The following ADCK5 variants were observed in gnomAD, a reference collection of about 807,000 sequenced individuals.
The protein encoded by ADCK5 is aarF domain containing kinase 5, also known as uncharacterized aarF domain-containing protein kinase 5.
ADCK5 carries 43 observed loss-of-function variants against 64.9 expected under a neutral mutation model. The ratio of observed to expected loss-of-function variants is 0.66; its 90% CI spans 0.52 to 0.85. ADCK5 has a LOEUF of 0.85. Ranked by LOEUF, ADCK5 falls within the 40% of genes least tolerant of loss-of-function variation. The probability of loss-of-function intolerance (pLI) is 0.00; values close to 1 mark genes in which losing one functional copy is unlikely to be tolerated. For synonymous variants in ADCK5, 434 were observed against 342.8 expected, an observed-to-expected ratio of 1.27 and a Z score of -2.94; for missense variants, 760 against 810.5, an observed-to-expected ratio of 0.94 and a Z score of 0.76.
Position 144,390,767 on chromosome 8 carries a change from C to T in ADCK5, c.342+21C>T, listed in dbSNP as rs200877552. 26 of 1,612,086 alleles carry T rather than the reference C, an allele frequency of 1.6e-5. No individual in the cohort carries two copies. In the East Asian group the frequency reaches 5.8e-4, roughly 36 times the overall value. On this transcript the variant is annotated intron_variant, in intron 4 of 14. Transcript: ENST00000308860. ...AAGAGGTTTGTCCTGGTGCCCTGGG[C>T]ACACAGTGGTGGGCATGAGGTGGTG... is the stretch of plus-strand genomic sequence containing the variant.
chr8:144,378,882 AAAAC>A (rs1384647509), intron 1 of ADCK5, among the ~76,000 whole-genome samples: 1 of 152,036 alleles, frequency 6.6e-6, no homozygotes, highest in Admixed American at 6.5e-5. Context: ...CCATCTCAGA[AAAAC>A]AAACAAACCT....
At chr8:144,388,818 A>T (rs190236125) in intron 3 of ADCK5, among the ~76,000 whole-genome samples, 3 of 151,824 alleles carry the variant, frequency 2.0e-5, no homozygotes, top group Admixed American at 2.0e-4. Flanking sequence ...CGCACTCCAG[A>T]TGCTCTACGG....
intron 3 of ADCK5, among the ~76,000 whole-genome samples, chr8:144,385,821 G>A (rs1329560296): frequency 2.0e-5 from 3 of 149,816 alleles, no homozygotes; most frequent in African/African-American, 4.9e-5. Flanking sequence ...AAAATTAGCC[G>A]GGCTTGGTGG....
chr8:144,391,811 G>T lies in ADCK5; in HGVS notation c.959G>T (p.Gly320Val). The T allele has an allele frequency of 6.4e-7, 1 of 1,571,324 alleles. No individual in the cohort carries two copies. Residue 320 changes from glycine (G) to valine (V), a missense_variant, in exon 9 of 15, where the codon GGC (glycine) becomes GTC (valine). By Grantham distance (109) the Gly-to-Val change is moderately radical. Transcript: ENST00000308860. ...GTGCTCACTGCCGACTTCTGCGCCG[G>T]CTGCAAGGTCAACGATGTGGAGGCC... Reference protein sequence around the residue: ...KRVLTADFCAGCKVNDVEAIR... With the variant: ...KRVLTADFCAVCKVNDVEAIR...
rs1554861234 is a variant in ADCK5, at chr8:144,392,428, C to CCTCT, written c.1268-14_1268-13insTCTC. The CCTCT allele has an allele frequency of 2.9e-6, 3 of 1,051,760 alleles. No individual in the cohort carries two copies. In the South Asian group the frequency reaches 4.3e-5, roughly 15 times the overall value. The allele number at this position is 1,051,760 out of a possible 1,614,324, so 65.2% of individuals were successfully genotyped here. A position where few individuals can be genotyped will look rare whatever the true frequency, so the allele number is the denominator to read the frequency against. The stretch of plus-strand genomic sequence containing the variant: ...CCACTCAGAGCCCCCTCCCTCCCTC[C>CCTCT]CTCCCTCCCTCCCCAGACTACCTCC... On this transcript the variant is annotated splice_polypyrimidine_tract_variant and intron_variant, in intron 12 of 14. Coordinates refer to ENST00000308860, the MANE Select transcript of ADCK5 (RefSeq NM_174922.5).
chr8:144,388,917 G>T (rs1461859802), intron 3 of ADCK5, among the ~76,000 whole-genome samples: 2 of 152,354 alleles, frequency 1.3e-5, no homozygotes, highest in East Asian at 1.9e-4. Context: ...TGCGCTTCAG[G>T]AATGACTGTG....
chr8:144,392,316 G>A lies in ADCK5; in HGVS notation c.1238G>A (p.Arg413Lys). 7 of 1,302,782 alleles carry A rather than the reference G, an allele frequency of 5.4e-6. No homozygotes were observed. Among genetic ancestry groups the A allele is most frequent in the Non-Finnish European group, 7.2e-6 (7 of 973,576 alleles). The allele number at this position is 1,302,782 out of a possible 1,614,324, so 80.7% of individuals were successfully genotyped here. A position where few individuals can be genotyped will look rare whatever the true frequency, so the allele number is the denominator to read the frequency against. ...ATCCTGCGGGACGACGCCGCCATGA[G>A]GGCGCACGCAGCCGCACTGGGGGTG... ...AIILRDDAAM[R>K]AHAAALGVQD... Residue 413 changes from arginine (R) to lysine (K), a missense_variant, in exon 12 of 15, where the codon AGG becomes AAG. This residue lies in a region of ADCK5 where 333 missense variants were observed against 292.0 expected (regional missense o/e 1.14). Coordinates refer to ENST00000308860, the MANE Select transcript of ADCK5 (RefSeq NM_174922.5).
rs1554861607 is a variant in ADCK5 at position 144,392,863 on chromosome 8, G to A, written c.1608G>A (p.Trp536Ter). 1 of 1,600,688 alleles carries A rather than the reference G, an allele frequency of 6.2e-7. No individual in the cohort carries two copies. The highest frequency in any genetic ancestry group is 8.5e-7 in the Non-Finnish European group (1 of 1,176,748). ...TCCTGCGCCACGCCAAGGTCGTCTG[G>A]GAGATGCTCAAGTTTGAAGTGGCGC... ...TSLLRHAKVV[W>*]EMLKFEVALR... Residue 536 changes from tryptophan to a stop codon, truncating the protein, a stop_gained, in exon 14 of 15, where the codon TGG becomes TGA. Coordinates refer to ENST00000308860, the MANE Select transcript of ADCK5 (RefSeq NM_174922.5). LOFTEE classifies it low-confidence loss of function (END_TRUNC).
rs782274795 is a variant in ADCK5 at position 144,383,168 on chromosome 8, G to C, written c.204G>C (p.Met68Ile). Residue 68 changes from methionine to isoleucine, a missense_variant, in exon 3 of 15, where the codon ATG (methionine) becomes ATC (isoleucine). Transcript: ENST00000308860. ...APLLLGARYVMAEAREKRRMR... is the reference protein window; with the variant it reads ...APLLLGARYVIAEAREKRRMR... ...TGCTCCTCGGAGCCCGCTATGTCAT[G>C]GCAGAGGCACGGGAGAAGAGGAGGA... 6.2e-7 allele frequency: 1 copy of C among 1,600,740 alleles called. No individual in the cohort carries two copies. The highest frequency in any genetic ancestry group is 2.3e-5 in the East Asian group (1 of 44,422).
intron 3 of ADCK5, among the ~76,000 whole-genome samples, chr8:144,385,795 C>T (rs1554859173): frequency 6.6e-6 from 1 of 151,316 alleles, no homozygotes; most frequent in African/African-American, 2.4e-5. Flanking sequence ...AACCCCGTCT[C>T]TACTAAAAAA....
intron 1 of ADCK5, among the ~76,000 whole-genome samples, chr8:144,374,681 C>A (rs535090151): frequency 2.7e-4 from 41 of 152,226 alleles, no homozygotes; most frequent in African/African-American, 7.9e-4. Context: ...CTGCCCCGGA[C>A]CTCCTTCGCT....
At chr8:144,375,607 G>A (rs1269422781) in intron 1 of ADCK5, 81 of 985,312 alleles carry the variant, frequency 8.2e-5, no homozygotes, top group Non-Finnish European at 9.3e-5. Context: ...GCCAAAGCAC[G>A]CCCTTTGGTT....
chr8:144,374,572 G>A (rs1819287344), intron 1 of ADCK5, among the ~76,000 whole-genome samples: 3 of 152,098 alleles, frequency 2.0e-5, no homozygotes, highest in Admixed American at 2.0e-4. Flanking sequence ...CCCGGAGAGC[G>A]CGATCTCCAG....
At chr8:144,379,074 C>T (rs767124865) in intron 1 of ADCK5, among the ~76,000 whole-genome samples, 2 of 151,736 alleles carry the variant, frequency 1.3e-5, no homozygotes, top group African/African-American at 2.4e-5. Context: ...GCTGGGATTA[C>T]GTACATGCAC....
At chr8:144,373,178 G>A (rs1269051388), upstream of ADCK5, 1 of 152,576 alleles carries the variant, frequency 6.6e-6, no homozygotes, top group Non-Finnish European at 1.5e-5. Flanking sequence ...TGCTCACAGT[G>A]GGGTCTAGGA....
At chr8:144,381,236 A>C (rs1554858067) in intron 2 of ADCK5, among the ~76,000 whole-genome samples, 1 of 78,392 alleles carries the variant, frequency 1.3e-5, no homozygotes, top group Non-Finnish European at 2.7e-5. Context: ...GTGCTCAGGC[A>C]CCTGCCGCAC....
chr8:144,388,544 C>G (rs1041785091), intron 3 of ADCK5, among the ~76,000 whole-genome samples: 11 of 152,020 alleles, frequency 7.2e-5, no homozygotes, highest in Admixed American at 7.2e-4. Flanking sequence ...GTGGGCGGAT[C>G]ACGAGGTCGG....
At position 144,391,882 on chromosome 8, in the gene ADCK5, C is replaced by T. The variant is rs781813814; in HGVS notation, c.1014+16C>T. 3 of 112,584 alleles carry T rather than the reference C, an allele frequency of 2.7e-5. No individual in the cohort carries two copies. Among genetic ancestry groups the T allele is most frequent in the East Asian group, 1.8e-4 (1 of 5,408 alleles). The allele number at this position is 112,584 out of a possible 1,614,324, so 7.0% of individuals were successfully genotyped here. ...AGTGCATGACGTGAGTGCGGGGGGG[C>T]GGGGGCGGGTCAGGGCGGGCTGGTG... On this transcript the variant is annotated intron_variant, in intron 9 of 14. Transcript: ENST00000308860.
At chr8:144,374,415 T>A (rs1277426429) in intron 1 of ADCK5, among the ~76,000 whole-genome samples, 2 of 152,040 alleles carry the variant, frequency 1.3e-5, no homozygotes, top group Non-Finnish European at 2.9e-5. Flanking sequence ...CAGGCTGGTC[T>A]CGAATTCCTG....
Sources: gnomAD v4.1 joint callset for allele counts (sites outside exome capture counted in the v4.1 genomes callset) on GRCh38, gnomAD v4.1.1 for gene constraint, gnomAD v4.1.1 regional missense constraint, MANE v1.5 for transcripts, NCBI Gene and HGNC (gene_info 2026-07-23, HGNC 2026-07-21) for gene names.